PPP1R12B: variants seen among roughly 807,000 people sequenced by gnomAD.
PPP1R12B encodes myosin phosphatase target subunit 2.
In PPP1R12B, 76 loss-of-function variants were observed where a neutral mutation model predicts 126.1. That is an observed-to-expected ratio of 0.60 (90% CI 0.50 to 0.73). The LOEUF (loss-of-function observed/expected upper bound fraction) is 0.73. PPP1R12B is among the 30% of genes least tolerant of loss of function. The pLI is 0.00. For missense variants in PPP1R12B, 1,052 were observed against 1,205.1 expected (o/e 0.87, Z 1.88); for synonymous variants, 356 against 434.7 (o/e 0.82, Z 2.25).
intron 1 of PPP1R12B, among the ~76,000 whole-genome samples, chr1:202,377,986 C>T (rs1007215251): frequency 2.0e-5 from 3 of 150,956 alleles, no homozygotes; most frequent in African/African-American, 7.3e-5. Context: ...CTACAGGCGC[C>T]CGCCACCTCG....
At chr1:202,578,370 T>G (rs1252670191) in intron 23 of PPP1R12B, among the ~76,000 whole-genome samples, 1 of 152,190 alleles carries the variant, frequency 6.6e-6, no homozygotes, top group Non-Finnish European at 1.5e-5. Flanking sequence ...ATACCCAAGC[T>G]GCAGCCCCAG....
intron 1 of PPP1R12B, among the ~76,000 whole-genome samples, chr1:202,412,954 G>A (rs968140178): frequency 1.3e-5 from 2 of 152,088 alleles, no homozygotes; most frequent in Non-Finnish European, 2.9e-5. Flanking sequence ...GCATACTTAT[G>A]AACTATTTGT....
chr1:202,535,133 G>C (rs1472075975), intron 18 of PPP1R12B, among the ~76,000 whole-genome samples: 1 of 151,724 alleles, frequency 6.6e-6, no homozygotes, highest in African/African-American at 2.4e-5. Context: ...TCACTGTTTT[G>C]GGTGATGAAC....
In PPP1R12B at chr1:202,588,474, T is replaced by C. The variant is rs1354884328; in HGVS notation, c.*7914T>C. ...GTTATATAGTTTTGAGTATTCTGTG[T>C]TTGAAAGTTTGGGAATAATAATATT... On this transcript the variant is annotated 3_prime_UTR_variant, in exon 24 of 24. Coordinates refer to ENST00000608999, the MANE Select transcript of PPP1R12B (RefSeq NM_002481.4). 6.6e-6 allele frequency: 1 copy of C among 152,628 alleles called. No individual in the cohort carries two copies. Among genetic ancestry groups the C allele is most frequent in the African/African-American group, 2.4e-5 (1 of 41,440 alleles). 9.5% of individuals were successfully genotyped at this position (152,628 alleles called of 1,614,324 possible). A position where few individuals can be genotyped will look rare whatever the true frequency, so the allele number is the denominator to read the frequency against.
chr1:202,514,002 CCCA>C (rs1476837312), intron 18 of PPP1R12B, among the ~76,000 whole-genome samples: 3 of 152,216 alleles, frequency 2.0e-5, no homozygotes, highest in Non-Finnish European at 4.4e-5. Flanking sequence ...AGTGAATACT[CCCA>C]CCAATAGTGT....
intron 10 of PPP1R12B, 24 bp downstream of exon 10, chr1:202,438,048 G>A (rs749350372): frequency 1.2e-6 from 2 of 1,610,928 alleles, no homozygotes; most frequent in East Asian, 4.5e-5. Flanking sequence ...GGGTATGGGG[G>A]AATTCCAAGG....
intron 7 of PPP1R12B, 123 bp downstream of exon 7, chr1:202,430,933 G>T (rs1361721854): frequency 7.3e-7 from 1 of 1,369,990 alleles, no homozygotes; most frequent in African/African-American, 1.5e-5. Flanking sequence ...CTATAAACTT[G>T]TGGGAAACTT....
chr1:202,406,213 G>A (rs775793726), intron 1 of PPP1R12B, among the ~76,000 whole-genome samples: 1 of 152,186 alleles, frequency 6.6e-6, no homozygotes, highest in African/African-American at 2.4e-5. Flanking sequence ...TACTCTACAT[G>A]CCAACTTGGC....
At chr1:202,356,223 G>A (rs915345068) in intron 1 of PPP1R12B, among the ~76,000 whole-genome samples, 2 of 152,014 alleles carry the variant, frequency 1.3e-5, no homozygotes, top group Non-Finnish European at 2.9e-5. Flanking sequence ...TATCCTGTAG[G>A]TATCTATGTG....
chr1:202,503,849 A>G (rs1016424940), intron 18 of PPP1R12B, among the ~76,000 whole-genome samples: 2 of 151,816 alleles, frequency 1.3e-5, no homozygotes, highest in Non-Finnish European at 2.9e-5. Context: ...GGACCATGCA[A>G]TGGTATAGGA....
chr1:202,538,794 T>C (rs1306286353), intron 18 of PPP1R12B, among the ~76,000 whole-genome samples: 1 of 152,170 alleles, frequency 6.6e-6, no homozygotes, highest in Non-Finnish European at 1.5e-5. Context: ...GCAAATAAAT[T>C]CCTCTCTTTT....
intron 18 of PPP1R12B, among the ~76,000 whole-genome samples, chr1:202,548,776 G>GTCTCTCTCTCTCTCTCTC (rs1196499777): frequency 1.0e-5 from 1 of 98,928 alleles, no homozygotes; most frequent in Non-Finnish European, 2.0e-5. Flanking sequence ...CTCGCTCGCT[G>GTCTCTCTCTCTCTCTCTC]TCTCTCTCTC....
chr1:202,493,404 G>A, intron 15 of PPP1R12B, 87 bp downstream of exon 15: 7 of 1,377,648 alleles, frequency 5.1e-6, no homozygotes, highest in Non-Finnish European at 6.9e-6. Flanking sequence ...TTCAAAGGCT[G>A]TGTTCTACCT....
chr1:202,377,661 G>A (rs1434109499), intron 1 of PPP1R12B, among the ~76,000 whole-genome samples: 31 of 151,978 alleles, frequency 2.0e-4, no homozygotes. Context: ...GGATTGATTG[G>A]AGGAAGGAGG....
chr1:202,354,064 T>G (rs1173637268), intron 1 of PPP1R12B, among the ~76,000 whole-genome samples: 1 of 152,236 alleles, frequency 6.6e-6, no homozygotes, highest in Non-Finnish European at 1.5e-5. Context: ...GGACCAGTCT[T>G]GTTGTTAACA....
At chr1:202,411,392 A>G (rs1667369889) in intron 1 of PPP1R12B, among the ~76,000 whole-genome samples, 1 of 152,030 alleles carries the variant, frequency 6.6e-6, no homozygotes, top group Non-Finnish European at 1.5e-5. Context: ...CTGGGTGCAT[A>G]CTATTTTATT....
At chr1:202,510,202 T>C (rs1681280336) in intron 18 of PPP1R12B, among the ~76,000 whole-genome samples, 1 of 152,222 alleles carries the variant, frequency 6.6e-6, no homozygotes, top group Non-Finnish European at 1.5e-5. Flanking sequence ...GACTTAGAGC[T>C]AAGGGCGTGT....
At chr1:202,505,275 T>G (rs1680683836) in intron 18 of PPP1R12B, among the ~76,000 whole-genome samples, 1 of 152,222 alleles carries the variant, frequency 6.6e-6, no homozygotes, top group African/African-American at 2.4e-5. Flanking sequence ...GCAAGCAGGC[T>G]TTCATTTTTA....
intron 13 of PPP1R12B, among the ~76,000 whole-genome samples, chr1:202,471,575 G>GTTTTT (rs71142533): frequency 1.8e-5 from 2 of 113,686 alleles, no homozygotes; most frequent in African/African-American, 6.7e-5. Context: ...GACTTAAAAT[G>GTTTTT]TTTTTTTTTT....
Sources: gnomAD v4.1 joint callset for allele counts (sites outside exome capture counted in the v4.1 genomes callset) on GRCh38, gnomAD v4.1.1 for gene constraint, MANE v1.5 for transcripts, NCBI Gene and HGNC (gene_info 2026-07-23, HGNC 2026-07-21) for gene names.